The following DNAJC1 variants were observed in gnomAD, a reference collection of about 807,000 sequenced individuals.
DNAJC1 encodes the protein DnaJ heat shock protein family (Hsp40) member C1.
In DNAJC1, 58 loss-of-function variants were observed where a neutral mutation model predicts 76.6. That is an observed-to-expected ratio of 0.76 (90% CI 0.61 to 0.94). The LOEUF (loss-of-function observed/expected upper bound fraction) is 0.94. Ranked by LOEUF, DNAJC1 falls within the 40% of genes least tolerant of loss-of-function variation. The pLI, the probability that DNAJC1 is intolerant of heterozygous loss-of-function variation, is 0.00. For synonymous variants in DNAJC1, 258 were observed against 267.9 expected (o/e 0.96, Z 0.36); for missense variants, 689 against 677.3 (o/e 1.02, Z -0.19).
At chr10:21,849,327 C>CCTACACT (rs1835714162) in intron 8 of DNAJC1, among the ~76,000 whole-genome samples, 1 of 121,790 alleles carries the variant, frequency 8.2e-6, no homozygotes, top group Non-Finnish European at 1.7e-5. Flanking sequence ...AAAGTAAATG[C>CCTACACT]CTACACTGAT....
At chr10:21,837,904 T>G (rs1321714681) in intron 8 of DNAJC1, among the ~76,000 whole-genome samples, 22 of 137,420 alleles carry the variant, frequency 1.6e-4, no homozygotes, top group African/African-American at 3.0e-4. Context: ...AGCCGCCCCG[T>G]CCGGGAGGGA....
At chr10:21,981,640 G>C (rs971223673) in intron 1 of DNAJC1, among the ~76,000 whole-genome samples, 1 of 151,890 alleles carries the variant, frequency 6.6e-6, no homozygotes, top group East Asian at 1.9e-4. Flanking sequence ...TACTAAGTAG[G>C]GCTGTTTTAA....
chr10:21,950,114 T>C (rs1837567236), intron 1 of DNAJC1, among the ~76,000 whole-genome samples: 1 of 152,004 alleles, frequency 6.6e-6, no homozygotes, highest in Admixed American at 6.6e-5. Flanking sequence ...CACCTCACTT[T>C]ATTGTGCTTT....
chr10:21,797,636 C>T (rs1045599672), intron 9 of DNAJC1, among the ~76,000 whole-genome samples: 3 of 152,174 alleles, frequency 2.0e-5, no homozygotes, highest in South Asian at 2.1e-4. Flanking sequence ...GGCCTCTGTC[C>T]TCATGAATGG....
At chr10:21,898,840 A>G (rs1368245442) in intron 7 of DNAJC1, among the ~76,000 whole-genome samples, 11 of 152,076 alleles carry the variant, frequency 7.2e-5, no homozygotes, top group African/African-American at 2.7e-4. Context: ...ACTTACTAAA[A>G]AAAAAAAAAA....
intron 1 of DNAJC1, among the ~76,000 whole-genome samples, chr10:21,969,873 T>C (rs564642457): frequency 6.6e-6 from 1 of 152,278 alleles, no homozygotes; most frequent in South Asian, 2.1e-4. Context: ...TTATGCATTA[T>C]GTAGGATGGA....
chr10:21,790,696 C>CA, intron 9 of DNAJC1, among the ~76,000 whole-genome samples: 1 of 152,022 alleles, frequency 6.6e-6, no homozygotes. Context: ...ATCATGAAAA[C>CA]ACTCAAAAGT....
In DNAJC1 at chr10:22,003,550, G is replaced by C; in HGVS notation, c.-116C>G. 1 of 1,209,196 alleles carries C rather than the reference G, an allele frequency of 8.3e-7. No individual in the cohort carries two copies. Among genetic ancestry groups the C allele is most frequent in the Non-Finnish European group, 1.0e-6 (1 of 958,514 alleles). The allele number at this position is 1,209,196 out of a possible 1,614,324, so 74.9% of individuals were successfully genotyped here. ...CTGTCAGTGAAAAGCGCGGGCAGGCGCACCGGAGCGGCCCGCCAGGTGGCT... is the reference window on the plus strand; with the variant it reads ...CTGTCAGTGAAAAGCGCGGGCAGGCCCACCGGAGCGGCCCGCCAGGTGGCT... On this transcript the variant is annotated 5_prime_UTR_variant, in exon 1 of 12. Transcript: ENST00000376980.
In DNAJC1 at chr10:21,986,052, G is replaced by A. The variant is rs1309354326; in HGVS notation, c.222+17161C>T. ...ACCATCCTAGCTAACAGGGTGAAAC[G>A]CTGTCTCTACTAAAAATACAAAAAA... On this transcript the variant is annotated intron_variant, in intron 1 of 11. Transcript: ENST00000376980. Among the ~76,000 whole-genome samples the A allele has an allele frequency of 3.3e-5, 5 of 152,068 alleles. No individual in the cohort carries two copies. The East Asian group carries it at 7.7e-4, about 23-fold the overall frequency.
chr10:21,792,684 G>A (rs564377709), intron 9 of DNAJC1, among the ~76,000 whole-genome samples: 15 of 151,678 alleles, frequency 9.9e-5, no homozygotes, highest in Admixed American at 2.0e-4. Context: ...GCTTGAACCC[G>A]GGAGGCAGAG....
chr10:21,906,604 T>C (rs1836750302), intron 6 of DNAJC1, among the ~76,000 whole-genome samples: 1 of 152,082 alleles, frequency 6.6e-6, no homozygotes, highest in Non-Finnish European at 1.5e-5. Flanking sequence ...TAGGCTGAAA[T>C]CAATCATCAC....
chr10:21,796,502 CT>C (rs1439422184), intron 9 of DNAJC1, among the ~76,000 whole-genome samples: 1 of 152,108 alleles, frequency 6.6e-6, no homozygotes, highest in Admixed American at 6.6e-5. Context: ...CTATTTTTAA[CT>C]TTTGTAGGAA....
intron 1 of DNAJC1, among the ~76,000 whole-genome samples, chr10:21,986,055 G>A (rs916346463): frequency 6.6e-6 from 1 of 152,138 alleles, no homozygotes; most frequent in Non-Finnish European, 1.5e-5. Flanking sequence ...GTGAAACGCT[G>A]TCTCTACTAA....
chr10:21,791,156 AG>A (rs1411051340), intron 9 of DNAJC1, among the ~76,000 whole-genome samples: 3 of 152,244 alleles, frequency 2.0e-5, no homozygotes, highest in Non-Finnish European at 4.4e-5. Flanking sequence ...TGATGATAAA[AG>A]GATCAATTCA....
chr10:21,761,430 G>A (rs886087528), intron 10 of DNAJC1, among the ~76,000 whole-genome samples: 4 of 151,572 alleles, frequency 2.6e-5, no homozygotes, highest in Admixed American at 6.6e-5. Context: ...GTGGTGGCAC[G>A]TGCCTGTAAT....
chr10:21,764,042 G>A (rs539257683), intron 10 of DNAJC1, among the ~76,000 whole-genome samples: 4 of 152,074 alleles, frequency 2.6e-5, no homozygotes, highest in East Asian at 3.9e-4. Flanking sequence ...ATTCAAATAC[G>A]GTCTTCTTAT....
chr10:22,001,505 G>C (rs1838517921), intron 1 of DNAJC1, among the ~76,000 whole-genome samples: 1 of 152,132 alleles, frequency 6.6e-6, no homozygotes, highest in African/African-American at 2.4e-5. Context: ...CCTTGACAAA[G>C]AATCTTCTTG....
chr10:21,756,869 G>T, intron 11 of DNAJC1, 114 bp from the exon 12 acceptor site: 1 of 939,884 alleles, frequency 1.1e-6, no homozygotes, highest in Non-Finnish European at 1.7e-6. Flanking sequence ...CAGTCCCTCT[G>T]CCCAGAGTTC....
At chr10:21,949,936 A>T (rs1358680148) in intron 1 of DNAJC1, among the ~76,000 whole-genome samples, 1 of 152,118 alleles carries the variant, frequency 6.6e-6, no homozygotes, top group South Asian at 2.1e-4. Flanking sequence ...GTTTTTGCTT[A>T]AATTAGTGTC....
Sources: gnomAD v4.1 joint callset for allele counts (sites outside exome capture counted in the v4.1 genomes callset) on GRCh38, gnomAD v4.1.1 for gene constraint, MANE v1.5 for transcripts, NCBI Gene and HGNC (gene_info 2026-07-23, HGNC 2026-07-21) for gene names.